KIF19: variants seen among roughly 807,000 people sequenced by gnomAD.
KIF19 encodes the protein kinesin family member 19, also known as kinesin-like protein KIF19.
Under a neutral mutation model 106.6 loss-of-function variants are expected in KIF19, and 98 were observed. The ratio of observed to expected loss-of-function variants is 0.92; its 90% confidence interval spans 0.78 to 1.09. KIF19 has a LOEUF of 1.09. KIF19 is among the 50% of genes least tolerant of loss of function. The pLI, the probability that KIF19 is intolerant of heterozygous loss-of-function variation, is 0.00. For synonymous variants in KIF19, 516 were observed against 584.2 expected, an observed-to-expected ratio of 0.88 and a Z score of 1.68; for missense variants, 1,373 against 1,414.3, an observed-to-expected ratio of 0.97 and a Z score of 0.47.
At chr17:74,340,031 C>A (rs2054321743) in intron 2 of KIF19, among the ~76,000 whole-genome samples, 1 of 152,188 alleles carries the variant, frequency 6.6e-6, no homozygotes, top group Admixed American at 6.5e-5. Context: ...GCTCTTGGCA[C>A]ATGCCCAGCG....
At chr17:74,340,634 C>T (rs941233246) in intron 2 of KIF19, among the ~76,000 whole-genome samples, 5 of 152,202 alleles carry the variant, frequency 3.3e-5, no homozygotes, top group Non-Finnish European at 5.9e-5. Context: ...CACCCATGGC[C>T]TGTCCTGGCT....
intron 3 of KIF19, among the ~76,000 whole-genome samples, chr17:74,342,226 C>T (rs2054398978): frequency 6.6e-6 from 1 of 152,206 alleles, no homozygotes; most frequent in Admixed American, 6.5e-5. Flanking sequence ...CGGTACAACT[C>T]GCTTGGCTCC....
chr17:74,340,555 G>GCACACA, intron 2 of KIF19, among the ~76,000 whole-genome samples: 64 of 148,304 alleles, frequency 4.3e-4, no homozygotes, highest in South Asian at 2.4e-3. Context: ...ATGCGCGCGC[G>GCACACA]TACACACACA....
In KIF19 at chr17:74,350,421, G is replaced by A. The variant is rs752318903; in HGVS notation, c.1234G>A (p.Gly412Arg). Residue 412 changes from glycine to arginine, a missense_variant, in exon 11 of 20, where the codon GGG becomes AGG. Gly to Arg is a moderately radical substitution (Grantham distance 125). Coordinates refer to ENST00000389916, the MANE Select transcript of KIF19 (RefSeq NM_153209.4). ...GGCAGCTGAGGTCCAGCTGCACAGC[G>A]GGCAGGGTGAGAAGGCTGGCATGGG... Reference protein sequence around the residue: ...HIQAEVQLHSGQGEKAGMGQL... With the variant: ...HIQAEVQLHSRQGEKAGMGQL... 51 of 1,603,882 alleles carry A rather than the reference G, an allele frequency of 3.2e-5. No homozygotes were observed. Among genetic ancestry groups the A allele is most frequent in the Non-Finnish European group, 3.8e-5 (45 of 1,176,444 alleles).
intron 2 of KIF19, chr17:74,329,562 G>A (rs2054017115): frequency 6.6e-6 from 1 of 150,678 alleles, no homozygotes; most frequent in Non-Finnish European, 1.5e-5. Context: ...TGACCTGAGG[G>A]GCTTGCATGT....
At chr17:74,352,980 C>T (rs1190436296) in intron 15 of KIF19, 26 bp downstream of exon 15, 1 of 1,612,206 alleles carries the variant, frequency 6.2e-7, no homozygotes, top group Non-Finnish European at 8.5e-7. Flanking sequence ...CCTGCCCCAG[C>T]CCCCACCCTG....
chr17:74,337,550 T>A (rs1251067763), intron 2 of KIF19, among the ~76,000 whole-genome samples: 3 of 152,208 alleles, frequency 2.0e-5, no homozygotes, highest in African/African-American at 7.2e-5. Context: ...CCTCTTTGCC[T>A]TGCTCATGTA....
chr17:74,342,135 A>C (rs2054395194), intron 3 of KIF19, 149 bp downstream of exon 3: 2 of 640,328 alleles, frequency 3.1e-6, no homozygotes, highest in African/African-American at 1.8e-5. Flanking sequence ...CCCATTCAGG[A>C]AGGTTCTCAT....
Position 74,350,504 on chromosome 17 carries a change from C to A in KIF19, c.1317C>A (p.Arg439=). 1 of 1,612,702 alleles carries A rather than the reference C, an allele frequency of 6.2e-7. No individual in the cohort carries two copies. The highest frequency in any genetic ancestry group is 8.5e-7 in the Non-Finnish European group (1 of 1,179,810). Reference sequence around the variant, plus strand: ...AGGAGCAGATGGATGTGCGGAGGCGCCTGCTGGAGCTGGAGAACCGCGCCA... The same window carrying A: ...AGGAGCAGATGGATGTGCGGAGGCGACTGCTGGAGCTGGAGAACCGCGCCA... ...AFQEQMDVRR[R]LLELENRAME... is the part of the protein sequence containing the mutation. Residue 439 remains arginine (R), a synonymous_variant, in exon 11 of 20, where the codon CGC becomes CGA. Transcript: ENST00000389916.
intron 1 of KIF19, 117 bp downstream of exon 1, chr17:74,326,505 G>C (rs1053984425): frequency 6.5e-6 from 6 of 922,976 alleles, no homozygotes; most frequent in Non-Finnish European, 1.0e-5. Context: ...GCAACGACCA[G>C]GGCCGGGACT....
chr17:74,351,756 G>A, intron 12 of KIF19, 111 bp from the exon 13 acceptor site: 1 of 1,229,320 alleles, frequency 8.1e-7, no homozygotes, highest in Non-Finnish European at 1.1e-6. Context: ...GCCTCAGGCT[G>A]GAGCTCCAGA....
intron 9 of KIF19, chr17:74,348,942 G>T (rs554317340): frequency 1.8e-6 from 1 of 548,794 alleles, no homozygotes; most frequent in Non-Finnish European, 3.2e-6. Context: ...GAGAGATGGG[G>T]GTGGCCCTTC....
rs1188479485 is a variant in KIF19, at chr17:74,346,763, A to G, written c.924+239A>G. On this transcript the variant is annotated intron_variant, in intron 8 of 19. Coordinates refer to ENST00000389916, the MANE Select transcript of KIF19 (RefSeq NM_153209.4). The surrounding 1 kb of genome is among the most constrained non-coding windows in gnomAD (Gnocchi z 4.6). ...TATTTTATCTGACGACCCTAACCAA[A>G]GGCTGGGCAATGGGAAGGAAAAGGA... Among the ~76,000 whole-genome samples the G allele has an allele frequency of 6.6e-6, 1 of 152,194 alleles. No individual in the cohort carries two copies. The highest frequency in any genetic ancestry group is 2.4e-5 in the African/African-American group (1 of 41,454).
Position 74,344,203 on chromosome 17 carries a change from T to G in KIF19, c.457-20T>G. 4 of 1,096,426 alleles carry G rather than the reference T, an allele frequency of 3.6e-6. No homozygotes were observed. The highest frequency in any genetic ancestry group is 5.4e-6 in the Non-Finnish European group (4 of 742,330). The allele number at this position is 1,096,426 out of a possible 1,614,324, so 67.9% of individuals were successfully genotyped here. On this transcript the variant is annotated intron_variant, in intron 5 of 19. Transcript: ENST00000389916. The stretch of plus-strand genomic sequence containing the variant: ...CCCTTAGTCTCCCTTCCCCCACCCC[T>G]CCCCCACCTGTCCCGTCAGATCTAC...
chr17:74,335,717 G>A (rs1412095817), intron 2 of KIF19, among the ~76,000 whole-genome samples: 2 of 152,352 alleles, frequency 1.3e-5, no homozygotes, highest in East Asian at 1.9e-4. Flanking sequence ...GAAGCTGCCC[G>A]CCTCCCATGT....
intron 2 of KIF19, among the ~76,000 whole-genome samples, chr17:74,340,279 C>T (rs1033612131): frequency 3.3e-5 from 5 of 152,160 alleles, no homozygotes; most frequent in Non-Finnish European, 5.9e-5. Flanking sequence ...GAATGTCTCC[C>T]GTCATTTCCA....
At chr17:74,342,747 G>A (rs1245569693) in intron 4 of KIF19, 30 bp downstream of exon 4, 1 of 1,579,096 alleles carries the variant, frequency 6.3e-7, no homozygotes, top group Admixed American at 1.7e-5. Context: ...TGTGGGCGAG[G>A]ACCGCAATGC....
chr17:74,349,288 G>A lies in KIF19; in HGVS notation c.1152G>A (p.Glu384=), dbSNP rs773034157. The stretch of plus-strand genomic sequence containing the variant: ...AGCGACTCAAGCGCAAGATTGATGA[G>A]CAGACTGGGCGGGGCCAGGCCCGGG... ...EIQRLKRKID[E]QTGRGQARGR... Residue 384 remains glutamate, a synonymous_variant, in exon 10 of 20, where the codon GAG becomes GAA. Transcript: ENST00000389916. 2.5e-6 allele frequency: 4 copies of A among 1,612,890 alleles called. No homozygotes were observed. Among genetic ancestry groups the A allele is most frequent in the South Asian group, 2.2e-5 (2 of 91,020 alleles).
chr17:74,352,437 C>G (rs1215159112), intron 14 of KIF19, 97 bp downstream of exon 14: 1 of 1,430,992 alleles, frequency 7.0e-7, no homozygotes, highest in Non-Finnish European at 9.3e-7. Context: ...GGGGACAGGA[C>G]CAGGCTGGCT....
Sources: gnomAD v4.1 joint callset for allele counts (sites outside exome capture counted in the v4.1 genomes callset) on GRCh38, gnomAD v4.1.1 for gene constraint, Gnocchi (gnomAD v3.1) non-coding constraint, MANE v1.5 for transcripts, NCBI Gene and HGNC (gene_info 2026-07-23, HGNC 2026-07-21) for gene names.